The following ATP12A variants were observed in gnomAD, a reference collection of about 807,000 sequenced individuals.
ATP12A encodes the protein ATPase H+/K+ transporting non-gastric alpha2 subunit, also known as potassium-transporting ATPase alpha chain 2.
ATP12A carries 81 observed loss-of-function variants against 111.2 expected under a neutral mutation model. That is an observed-to-expected ratio of 0.73 (90% confidence interval 0.61 to 0.88). The LOEUF (loss-of-function observed/expected upper bound fraction) is 0.88. Ranked by LOEUF, ATP12A falls within the 40% of genes least tolerant of loss-of-function variation. The probability of loss-of-function intolerance (pLI) is 0.00; values close to 1 mark genes in which losing one functional copy is unlikely to be tolerated. For synonymous variants in ATP12A, 498 were observed against 499.8 expected (o/e 1.00, Z 0.05); for missense variants, 1,196 against 1,313.1 (o/e 0.91, Z 1.38).
chr13:24,699,579 A>C (rs1295008933), intron 12 of ATP12A, among the ~76,000 whole-genome samples: 1 of 152,216 alleles, frequency 6.6e-6, no homozygotes, highest in East Asian at 1.9e-4. Context: ...AACCTATCAG[A>C]GAAGGATAAT....
At chr13:24,689,883 A>G (rs1354220398) in intron 5 of ATP12A, among the ~76,000 whole-genome samples, 1 of 152,102 alleles carries the variant, frequency 6.6e-6, no homozygotes, top group Non-Finnish European at 1.5e-5. Context: ...TTGAAGCAGG[A>G]GATCACCTCG....
rs2137728347 is a variant in ATP12A, at chr13:24,712,184, A to ACAT, written c.*665_*667dup. On this transcript the variant is annotated 3_prime_UTR_variant, in exon 23 of 23. Coordinates refer to ENST00000381946, the MANE Select transcript of ATP12A (RefSeq NM_001676.7). The stretch of plus-strand genomic sequence containing the variant: ...TTATGCCCCGTCGCCCTCCACCCCT[A>ACAT]CATCAGCTCCTCCAAAACTGAGCTC... 6.5e-6 allele frequency: 1 copy of ACAT among 152,840 alleles called. No individual in the cohort carries two copies. Among genetic ancestry groups the ACAT allele is most frequent in the South Asian group, 2.1e-4 (1 of 4,834 alleles). The allele number at this position is 152,840 out of a possible 1,614,324, so 9.5% of individuals were successfully genotyped here. A position where few individuals can be genotyped will look rare whatever the true frequency, so the allele number is the denominator to read the frequency against.
chr13:24,692,381 G>A (rs1388832700), intron 8 of ATP12A, 48 bp from the exon 9 acceptor site: 3 of 1,575,680 alleles, frequency 1.9e-6, no homozygotes, highest in African/African-American at 2.7e-5. Context: ...TATTGGACCT[G>A]AGTTCAAATG....
In ATP12A at chr13:24,711,855, C is replaced by T. The variant is rs1875989428; in HGVS notation, c.*333C>T. 5 of 383,582 alleles carry T rather than the reference C, an allele frequency of 1.3e-5. No homozygotes were observed. The highest frequency in any genetic ancestry group is 2.4e-5 in the Non-Finnish European group (5 of 205,862). The allele number at this position is 383,582 out of a possible 1,614,324, so 23.8% of individuals were successfully genotyped here. A position where few individuals can be genotyped will look rare whatever the true frequency, so the allele number is the denominator to read the frequency against. On this transcript the variant is annotated 3_prime_UTR_variant, in exon 23 of 23. Coordinates refer to ENST00000381946, the MANE Select transcript of ATP12A (RefSeq NM_001676.7). ...TGTGTAACCCAGGCATCTACTGGGGCCTGCCTTAAGCTCTAGCTAGGATTG... is the reference window on the plus strand; with the variant it reads ...TGTGTAACCCAGGCATCTACTGGGGTCTGCCTTAAGCTCTAGCTAGGATTG...
At chr13:24,700,718 A>T (rs1001372044) in intron 12 of ATP12A, 29 bp from the exon 13 acceptor site, 1 of 1,593,408 alleles carries the variant, frequency 6.3e-7, no homozygotes, top group Non-Finnish European at 8.6e-7. Context: ...TTCTAGTTTC[A>T]CTGACTCACT....
At chr13:24,696,804 T>A (rs966064916) in intron 11 of ATP12A, among the ~76,000 whole-genome samples, 7 of 150,022 alleles carry the variant, frequency 4.7e-5, no homozygotes, top group African/African-American at 1.7e-4. Flanking sequence ...GCTGTCTGGA[T>A]GCTGTTAGGG....
rs1593146267 is a variant in ATP12A, at chr13:24,711,311, C to G, written c.3000-7C>G. On this transcript the variant is annotated splice_polypyrimidine_tract_variant and splice_region_variant and intron_variant, in intron 21 of 22. Coordinates refer to ENST00000381946, the MANE Select transcript of ATP12A (RefSeq NM_001676.7). The stretch of plus-strand genomic sequence containing the variant: ...TCAGGGTTCACTTTCCATCCCTTTG[C>G]TTCCAGGGCTCAGTACTGGTTTGTG... The G allele has an allele frequency of 1.3e-6, 2 of 1,591,650 alleles. No individual in the cohort carries two copies. Among genetic ancestry groups the G allele is most frequent in the East Asian group, 4.5e-5 (2 of 44,426 alleles).
At chr13:24,705,390 G>A (rs1035066774) in intron 14 of ATP12A, among the ~76,000 whole-genome samples, 9 of 152,200 alleles carry the variant, frequency 5.9e-5, no homozygotes, top group African/African-American at 1.7e-4. Context: ...TAGGGATTCC[G>A]GGGTCTGCTC....
intron 17 of ATP12A, 85 bp from the exon 18 acceptor site, chr13:24,709,279 G>GCCCCCCCCCCCCCCC: frequency 9.5e-6 from 2 of 211,220 alleles, no homozygotes; most frequent in South Asian, 1.6e-4. Context: ...TCCAGCCAGT[G>GCCCCCCCCCCCCCCC]CCCCACCCAC....
intron 11 of ATP12A, among the ~76,000 whole-genome samples, chr13:24,697,554 T>C (rs1875216368): frequency 6.6e-6 from 1 of 150,520 alleles, no homozygotes; most frequent in Non-Finnish European, 1.5e-5. Context: ...GTGGGAGGAT[T>C]GCTTGAGCCT....
In ATP12A at chr13:24,710,996, T is replaced by C. The variant is rs1017048598; in HGVS notation, c.2999+103T>C. On this transcript the variant is annotated intron_variant, in intron 21 of 22. Coordinates refer to ENST00000381946, the MANE Select transcript of ATP12A (RefSeq NM_001676.7). ...TTCCCAGGGTTCTTCCCCAAGTCTTTCAAAAGACGTCAAACTGATCCCATG... is the reference window on the plus strand; with the variant it reads ...TTCCCAGGGTTCTTCCCCAAGTCTTCCAAAAGACGTCAAACTGATCCCATG... 2.4e-5 allele frequency: 25 copies of C among 1,021,062 alleles called. No individual in the cohort carries two copies. In the African/African-American group the frequency reaches 3.3e-4, roughly 14 times the overall value. The allele number at this position is 1,021,062 out of a possible 1,614,324, so 63.3% of individuals were successfully genotyped here.
chr13:24,707,494 T>C (rs1875726814), intron 17 of ATP12A, 61 bp downstream of exon 17: 2 of 1,601,924 alleles, frequency 1.2e-6, no homozygotes, highest in African/African-American at 2.7e-5. Context: ...AAGTTCAGGG[T>C]CGCTACCTTC....
At chr13:24,696,320 G>T (rs1875149313) in intron 11 of ATP12A, among the ~76,000 whole-genome samples, 1 of 152,114 alleles carries the variant, frequency 6.6e-6, no homozygotes, top group African/African-American at 2.4e-5. Flanking sequence ...CAAGGTAAAG[G>T]CATGCCCAGT....
chr13:24,694,143 G>A (rs1875025432), intron 10 of ATP12A, among the ~76,000 whole-genome samples: 1 of 152,152 alleles, frequency 6.6e-6, no homozygotes, highest in Admixed American at 6.5e-5. Flanking sequence ...CTGGTTTCTG[G>A]AAGGCTTTCT....
intron 17 of ATP12A, among the ~76,000 whole-genome samples, chr13:24,708,346 C>G (rs1175224863): frequency 6.6e-6 from 1 of 152,210 alleles, no homozygotes; most frequent in African/African-American, 2.4e-5. Flanking sequence ...GAATTCTTAG[C>G]AGGAAACTGG....
chr13:24,702,006 CAACAGTGA>C lies in ATP12A; in HGVS notation c.1961_1968del (p.Glu654GlyfsTer15), dbSNP rs1378386415. ...CCAAGAGTGTGGGGATCATTTCAGC[CAACAGTGA>C]AACAGTGGAAGACATTGCACATCGC... On this transcript the variant is annotated frameshift_variant, in exon 14 of 23. Coordinates refer to ENST00000381946, the MANE Select transcript of ATP12A (RefSeq NM_001676.7). LOFTEE classifies it high-confidence loss of function. 1 of 1,614,190 alleles carries C rather than the reference CAACAGTGA, an allele frequency of 6.2e-7. No individual in the cohort carries two copies.
rs570731367 is a variant in ATP12A at position 24,698,659 on chromosome 13, T to C, written c.1514T>C (p.Leu505Pro). The C allele has an allele frequency of 2.5e-6, 4 of 1,613,008 alleles. No homozygotes were observed. The East Asian group carries it at 8.9e-5, about 36-fold the overall frequency. The change falls in exon 12 of 23, where the codon CTC becomes CCC. Residue 505 changes from leucine to proline, a missense_variant and splice_region_variant. Around this residue, in one of 3 missense-constraint regions of ATP12A, gnomAD observed 1,126 missense variants for 1,228.5 expected, o/e 0.92. Transcript: ENST00000381946. Reference sequence around the variant, plus strand: ...CACGCTCAGTTCATTCCTTCCCAGCTCTCCATCCACGAGATGGATGACCCC... The same window carrying C: ...CACGCTCAGTTCATTCCTTCCCAGCCCTCCATCCACGAGATGGATGACCCC... Reference protein sequence around the residue: ...IPFNSTNKFQLSIHEMDDPHG... With the variant: ...IPFNSTNKFQPSIHEMDDPHG...
Position 24,690,675 on chromosome 13 carries a change from C to T in ATP12A, c.753C>T (p.Pro251=), listed in dbSNP as rs147754844. ...CCTCTGAGTTTACCCATGAAAACCC[C>T]CTGGAAACAAAGAACATCTGCTTCT... The part of the protein sequence containing the change: ...PRSSEFTHEN[P]LETKNICFYS... Residue 251 remains proline, a synonymous_variant, in exon 7 of 23, where the codon CCC becomes CCT. Coordinates refer to ENST00000381946, the MANE Select transcript of ATP12A (RefSeq NM_001676.7). The T allele has an allele frequency of 1.9e-4, 307 of 1,613,978 alleles. No individual in the cohort carries two copies. In the African/African-American group the frequency reaches 3.5e-3, roughly 18 times the overall value.
At chr13:24,700,723 C>G (rs1875354693) in intron 12 of ATP12A, 24 bp from the exon 13 acceptor site, 1 of 1,595,768 alleles carries the variant, frequency 6.3e-7, no homozygotes, top group African/African-American at 1.3e-5. Context: ...GTTTCACTGA[C>G]TCACTAATTC....
Sources: gnomAD v4.1 joint callset for allele counts (sites outside exome capture counted in the v4.1 genomes callset) on GRCh38, gnomAD v4.1.1 for gene constraint, gnomAD v4.1.1 regional missense constraint, MANE v1.5 for transcripts, NCBI Gene and HGNC (gene_info 2026-07-23, HGNC 2026-07-21) for gene names.